LDLRAD4: variants seen among roughly 807,000 people sequenced by gnomAD.
The protein encoded by LDLRAD4 is low density lipoprotein receptor class A domain containing 4, also known as low-density lipoprotein receptor class A domain-containing protein 4.
LDLRAD4 carries 5 observed loss-of-function variants against 17.0 expected under a neutral mutation model. That is an observed-to-expected ratio of 0.29 (90% CI 0.15 to 0.62). The LOEUF (loss-of-function observed/expected upper bound fraction) is 0.62. LDLRAD4 is among the 20% of genes least tolerant of loss of function. The pLI is 0.84. For synonymous variants in LDLRAD4, 168 were observed against 171.8 expected (o/e 0.98, Z 0.17); for missense variants, 340 against 424.7 (o/e 0.80, Z 1.75).
chr18:13,630,786 T>A (rs904481955), intron 4 of LDLRAD4, among the ~76,000 whole-genome samples: 13 of 152,376 alleles, frequency 8.5e-5, no homozygotes, highest in African/African-American at 2.4e-4. Flanking sequence ...CCTCCTATAA[T>A]GCAATTAAGG....
chr18:13,370,719 T>TTTTTTTTGTTTGTTTG (rs57342993), intron 1 of LDLRAD4, among the ~76,000 whole-genome samples: 33 of 144,904 alleles, frequency 2.3e-4, no homozygotes, highest in East Asian at 1.0e-3. Context: ...TTTTGTTTTT[T>TTTTTTTTGTTTGTTTG]TTTTTTTTTG....
intron 1 of LDLRAD4, among the ~76,000 whole-genome samples, chr18:13,384,641 A>G (rs1260967029): frequency 2.0e-5 from 3 of 152,054 alleles, no homozygotes; most frequent in Admixed American, 2.0e-4. Context: ...TTCAGATTCC[A>G]CCTATAAGTG....
At chr18:13,575,577 A>T (rs2094757626) in intron 3 of LDLRAD4, among the ~76,000 whole-genome samples, 1 of 152,236 alleles carries the variant, frequency 6.6e-6, no homozygotes, top group Admixed American at 6.5e-5. Context: ...TCCTCTGGGT[A>T]GATACCCAGT....
intron 1 of LDLRAD4, among the ~76,000 whole-genome samples, chr18:13,258,630 C>T (rs1440855279): frequency 6.6e-6 from 1 of 152,164 alleles, no homozygotes; most frequent in Non-Finnish European, 1.5e-5. Context: ...ATTGTCCTTC[C>T]TTCCTTTTTA....
At chr18:13,606,346 T>C (rs1245159127) in intron 3 of LDLRAD4, among the ~76,000 whole-genome samples, 2 of 152,244 alleles carry the variant, frequency 1.3e-5, no homozygotes, top group Non-Finnish European at 2.9e-5. Flanking sequence ...ATAGATAATG[T>C]GTAACATAAA....
At chr18:13,483,410 T>C (rs917662362) in intron 3 of LDLRAD4, among the ~76,000 whole-genome samples, 5 of 152,232 alleles carry the variant, frequency 3.3e-5, no homozygotes, top group African/African-American at 1.2e-4. Flanking sequence ...GAAACACTTG[T>C]GCTGCCCCTG....
At chr18:13,435,336 A>G (rs2090581316) in intron 2 of LDLRAD4, among the ~76,000 whole-genome samples, 1 of 152,234 alleles carries the variant, frequency 6.6e-6, no homozygotes, top group Non-Finnish European at 1.5e-5. Flanking sequence ...ATAAATTAAA[A>G]TTCTCAATCT....
intron 4 of LDLRAD4, among the ~76,000 whole-genome samples, chr18:13,626,066 T>C (rs1184691521): frequency 6.6e-6 from 1 of 151,756 alleles, no homozygotes; most frequent in Non-Finnish European, 1.5e-5. Flanking sequence ...GAAGTAGTGA[T>C]TTCTGGATGA....
At chr18:13,359,256 G>C (rs1157099381) in intron 1 of LDLRAD4, among the ~76,000 whole-genome samples, 1 of 152,206 alleles carries the variant, frequency 6.6e-6, no homozygotes, top group Non-Finnish European at 1.5e-5. Flanking sequence ...AGCAGCTGAG[G>C]AGTTGAGGGA....
chr18:13,347,055 C>G (rs1568032947), intron 1 of LDLRAD4, among the ~76,000 whole-genome samples: 2 of 152,120 alleles, frequency 1.3e-5, no homozygotes, highest in South Asian at 4.1e-4. Flanking sequence ...TTAACTGGAG[C>G]ATTTAGTTCA....
At chr18:13,461,613 C>T (rs1008345221) in intron 3 of LDLRAD4, 4 of 152,174 alleles carry the variant, frequency 2.6e-5, no homozygotes, top group African/African-American at 9.6e-5. Flanking sequence ...AGAATTTTCT[C>T]CGCTTTAAAG....
intron 3 of LDLRAD4, chr18:13,620,855 T>C (rs1003324195): frequency 1.9e-6 from 1 of 526,456 alleles, no homozygotes; most frequent in African/African-American, 1.9e-5. Flanking sequence ...TAGCTTCAGT[T>C]TGTGGAGACG....
At chr18:13,437,602 C>T (rs1259212950) in intron 2 of LDLRAD4, among the ~76,000 whole-genome samples, 1 of 152,166 alleles carries the variant, frequency 6.6e-6, no homozygotes, top group Non-Finnish European at 1.5e-5. Context: ...TTTTATAGTT[C>T]ACCAGCATGG....
intron 3 of LDLRAD4, among the ~76,000 whole-genome samples, chr18:13,447,003 G>A (rs1050652511): frequency 1.3e-5 from 2 of 152,214 alleles, no homozygotes; most frequent in Non-Finnish European, 1.5e-5. Flanking sequence ...ACCTTGGAGC[G>A]AGGCTGGGGT....
intron 1 of LDLRAD4, among the ~76,000 whole-genome samples, chr18:13,271,315 C>T (rs1001070245): frequency 1.3e-5 from 2 of 152,282 alleles, no homozygotes; most frequent in South Asian, 2.1e-4. Context: ...ACTGTAGGAT[C>T]GTCCATTTCT....
At chr18:13,260,699 C>T (rs2043769341) in intron 1 of LDLRAD4, among the ~76,000 whole-genome samples, 1 of 152,198 alleles carries the variant, frequency 6.6e-6, no homozygotes, top group Admixed American at 6.5e-5. Context: ...TCTGTCTTTC[C>T]AGGACTGTCC....
chr18:13,228,189 G>A (rs2041904871), intron 1 of LDLRAD4, among the ~76,000 whole-genome samples: 1 of 152,214 alleles, frequency 6.6e-6, no homozygotes. Context: ...ATGGTATGAG[G>A]CCTGCGGAGT....
At chr18:13,218,663 G>T (rs2041277723), upstream of LDLRAD4, 1 of 152,114 alleles carries the variant, frequency 6.6e-6, no homozygotes, top group South Asian at 2.1e-4. Flanking sequence ...CGGCCCCTCG[G>T]GCCCGCTTCA....
chr18:13,584,640 CTG>C (rs1568369765), intron 3 of LDLRAD4, among the ~76,000 whole-genome samples: 13 of 152,038 alleles, frequency 8.6e-5, no homozygotes. Context: ...TTCTTGTTAA[CTG>C]TGCACAAATA....
Sources: gnomAD v4.1 joint callset for allele counts (sites outside exome capture counted in the v4.1 genomes callset) on GRCh38, gnomAD v4.1.1 for gene constraint, MANE v1.5 for transcripts, NCBI Gene and HGNC (gene_info 2026-07-23, HGNC 2026-07-21) for gene names.